The following KCNU1 variants were observed in gnomAD, a reference collection of about 807,000 sequenced individuals.
KCNU1 encodes the protein potassium channel subfamily U member 1.
A neutral mutation model predicts 126.8 loss-of-function variants in KCNU1; 93 were observed. The observed-to-expected ratio is 0.73, with a 90% CI of 0.62 to 0.87. The LOEUF is 0.87. Among genes scored for constraint, KCNU1 ranks in the 40% least tolerant of loss-of-function variants. KCNU1 has a pLI of 0.00. For synonymous variants in KCNU1, 523 were observed against 494.2 expected (o/e 1.06, Z -0.77); for missense variants, 1,330 against 1,367.1 (o/e 0.97, Z 0.43).
At chr8:36,818,876 A>G (rs1804023393) in intron 10 of KCNU1, among the ~76,000 whole-genome samples, 2 of 152,210 alleles carry the variant, frequency 1.3e-5, no homozygotes. Context: ...TTTAAGTAGC[A>G]TCAGTGTGTC....
chr8:36,923,005 AG>A (rs1563338909), intron 24 of KCNU1: 1 of 462,904 alleles, frequency 2.2e-6, no homozygotes, highest in Admixed American at 2.3e-5. Flanking sequence ...TTGGCCATAA[AG>A]GGATCCCAGT....
intron 1 of KCNU1, among the ~76,000 whole-genome samples, chr8:36,786,773 A>G (rs1445299372): frequency 6.6e-6 from 1 of 152,232 alleles, no homozygotes; most frequent in Admixed American, 6.5e-5. Flanking sequence ...TTTAAATATA[A>G]TAAGTAAAGA....
At chr8:36,897,139 T>C (rs1387768162) in intron 19 of KCNU1, among the ~76,000 whole-genome samples, 1 of 151,992 alleles carries the variant, frequency 6.6e-6, no homozygotes, top group Admixed American at 6.6e-5. Flanking sequence ...TGCAGACATT[T>C]GATTATACAT....
At chr8:36,857,086 T>C (rs1192015671) in intron 18 of KCNU1, among the ~76,000 whole-genome samples, 1 of 152,166 alleles carries the variant, frequency 6.6e-6, no homozygotes, top group Non-Finnish European at 1.5e-5. Flanking sequence ...GTGGGTGGTG[T>C]TGGAAAAGAA....
chr8:36,865,852 AAAG>A, intron 19 of KCNU1, among the ~76,000 whole-genome samples: 1 of 152,116 alleles, frequency 6.6e-6, no homozygotes, highest in South Asian at 2.1e-4. Flanking sequence ...CACTCCTAAT[AAAG>A]AAGGAAATTC....
At chr8:36,794,666 T>C (rs1803027380) in intron 2 of KCNU1, among the ~76,000 whole-genome samples, 1 of 152,158 alleles carries the variant, frequency 6.6e-6, no homozygotes, top group African/African-American at 2.4e-5. Flanking sequence ...TTCATTCCTA[T>C]AATCCCATGA....
chr8:36,858,836 T>C (rs1197378691), intron 18 of KCNU1, among the ~76,000 whole-genome samples: 1 of 152,220 alleles, frequency 6.6e-6, no homozygotes, highest in Non-Finnish European at 1.5e-5. Context: ...GATAAGTTAA[T>C]GAGACTTTCA....
rs1309583698 is a variant in KCNU1 at position 36,931,053 on chromosome 8, G to A, written c.2839G>A (p.Val947Met). The A allele has an allele frequency of 1.9e-6, 3 of 1,611,908 alleles. No individual in the cohort carries two copies. The highest frequency in any genetic ancestry group is 2.5e-6 in the Non-Finnish European group (3 of 1,178,828). The change falls in exon 25 of 27, where the codon GTG becomes ATG. Residue 947 changes from valine (V) to methionine (M), a missense_variant. This residue lies in a region of KCNU1 where 1,054 missense variants were observed against 1,053.9 expected (regional missense o/e 1.00). Coordinates refer to ENST00000399881, the MANE Select transcript of KCNU1 (RefSeq NM_001031836.3). ...TTTAGATAAGGATAAAGTCTATGGT[G>A]TGGCAGATAGCTGCACGTCGCTCTT... Reference protein sequence around the residue: ...QHLDKDKVYGVADSCTSLLSG... With the variant: ...QHLDKDKVYGMADSCTSLLSG...
At chr8:36,836,239 T>A in intron 12 of KCNU1, 57 bp from the exon 13 acceptor site, 2 of 1,094,742 alleles carry the variant, frequency 1.8e-6, no homozygotes, top group Non-Finnish European at 2.8e-6. Flanking sequence ...TTAAATTATA[T>A]TACAAAGCCC....
intron 19 of KCNU1, among the ~76,000 whole-genome samples, chr8:36,886,452 T>C (rs925913790): frequency 5.9e-5 from 9 of 152,172 alleles, no homozygotes; most frequent in African/African-American, 2.2e-4. Flanking sequence ...GGTTACAGCC[T>C]GTAAGGTGGC....
At chr8:36,935,470 G>T (rs1188652332) in intron 26 of KCNU1, 45 bp from the exon 27 acceptor site, 1 of 1,506,560 alleles carries the variant, frequency 6.6e-7, no homozygotes, top group Non-Finnish European at 9.0e-7. Flanking sequence ...TTGCCACACT[G>T]GCCAGCTGCA....
At chr8:36,794,941 A>AAAAACT in intron 2 of KCNU1, among the ~76,000 whole-genome samples, 1 of 152,132 alleles carries the variant, frequency 6.6e-6, no homozygotes, top group South Asian at 2.1e-4. Flanking sequence ...AAACAAAAAC[A>AAAAACT]AAACAAAACA....
chr8:36,825,137 A>G (rs1804272023), intron 10 of KCNU1, among the ~76,000 whole-genome samples: 1 of 152,178 alleles, frequency 6.6e-6, no homozygotes, highest in South Asian at 2.1e-4. Flanking sequence ...TAACACTTAG[A>G]AACAGCAGTC....
chr8:36,920,288 A>G (rs974400843), intron 23 of KCNU1, among the ~76,000 whole-genome samples: 2 of 152,182 alleles, frequency 1.3e-5, no homozygotes, highest in East Asian at 3.9e-4. Context: ...AACCCTCAGT[A>G]TCCATGGGTT....
At chr8:36,834,522 G>A (rs143797915) in intron 11 of KCNU1, among the ~76,000 whole-genome samples, 8 of 152,236 alleles carry the variant, frequency 5.3e-5, no homozygotes, top group African/African-American at 1.4e-4. Context: ...AAAATATAAC[G>A]CCTTATTTTA....
In KCNU1 at chr8:36,864,444, C is replaced by T. The variant is rs759236745; in HGVS notation, c.1932C>T (p.Ile644=). 1 of 1,612,584 alleles carries T rather than the reference C, an allele frequency of 6.2e-7. No individual in the cohort carries two copies. Among genetic ancestry groups the T allele is most frequent in the Non-Finnish European group, 8.5e-7 (1 of 1,178,784 alleles). The part of the protein sequence containing the change: ...VKRMKKCLKG[I]SSRISGQDSP... ...GAATGAAAAAATGTCTGAAGGGAAT[C>T]TCCTCTCGTATATCAGGGCAGGATT... Residue 644 remains isoleucine, a synonymous_variant, in exon 19 of 27, where the codon ATC becomes ATT. Coordinates refer to ENST00000399881, the MANE Select transcript of KCNU1 (RefSeq NM_001031836.3).
At chr8:36,877,405 C>CAAA (rs1563310310) in intron 19 of KCNU1, among the ~76,000 whole-genome samples, 1 of 151,600 alleles carries the variant, frequency 6.6e-6, no homozygotes, top group Admixed American at 6.6e-5. Context: ...TGGGTTCAAG[C>CAAA]AATTCTCGTG....
chr8:36,795,064 G>A (rs1323558390), intron 2 of KCNU1, among the ~76,000 whole-genome samples: 1 of 152,218 alleles, frequency 6.6e-6, no homozygotes, highest in Non-Finnish European at 1.5e-5. Context: ...TTTGCAAGGA[G>A]ATGGGGCAGG....
intron 10 of KCNU1, among the ~76,000 whole-genome samples, chr8:36,831,869 C>A (rs1218705574): frequency 2.0e-5 from 3 of 151,718 alleles, no homozygotes; most frequent in Admixed American, 2.0e-4. Flanking sequence ...CCTAGGTTTT[C>A]TTCTAGGGTT....
Sources: allele counts gnomAD v4.1 joint callset (sites outside exome capture counted in the v4.1 genomes callset), GRCh38; gene constraint gnomAD v4.1.1; regional missense constraint gnomAD v4.1.1; transcripts MANE v1.5; gene names NCBI Gene and HGNC (gene_info 2026-07-23, HGNC 2026-07-21).